SHE: variants seen among roughly 807,000 people sequenced by gnomAD.
SHE encodes the protein Src homology 2 domain containing E, also known as SH2 domain-containing adapter protein E.
SHE carries 11 observed loss-of-function variants against 49.8 expected under a neutral mutation model. That is an observed-to-expected ratio of 0.22 (90% confidence interval 0.14 to 0.37). The LOEUF is 0.37. Ranked by LOEUF, SHE falls within the 10% of genes least tolerant of loss-of-function variation. The probability of loss-of-function intolerance (pLI) is 1.00; values close to 1 mark genes in which losing one functional copy is unlikely to be tolerated. For missense variants in SHE, 624 were observed against 655.5 expected (o/e 0.95, Z 0.52); for synonymous variants, 310 against 278.1 (o/e 1.11, Z -1.14).
Position 154,470,361 on chromosome 1 carries a change from TTC to T in SHE, c.103-1_103del, listed in dbSNP as rs1327694406. 16 of 1,289,096 alleles carry T rather than the reference TTC, an allele frequency of 1.2e-5. No individual in the cohort carries two copies. Among genetic ancestry groups the T allele is most frequent in the Non-Finnish European group, 1.5e-5 (15 of 988,718 alleles). 79.9% of individuals were successfully genotyped at this position (1,289,096 alleles called of 1,614,324 possible). On this transcript the variant is annotated splice_acceptor_variant and coding_sequence_variant, in exon 2 of 2. Transcript: ENST00000486773. LOFTEE classifies it high-confidence loss of function. ...AGAACTTAGGAGAGCAGATGGTGAT[TTC>T]TGTAGAGGATGGCAAGGAATATGCA...
chr1:154,501,274 C>G (rs1360139095), intron 1 of SHE, among the ~76,000 whole-genome samples, 162 bp downstream of exon 1: 1 of 152,182 alleles, frequency 6.6e-6, no homozygotes, highest in African/African-American at 2.4e-5. Flanking sequence ...AAAAAACAGT[C>G]TAAGAATTTT....
chr1:154,474,995 G>C (rs934054433), downstream of SHE, among the ~76,000 whole-genome samples: 1 of 152,164 alleles, frequency 6.6e-6, no homozygotes, highest in Admixed American at 6.5e-5. Flanking sequence ...CAGTATGCCT[G>C]GTCAGCCACA....
chr1:154,487,161 AC>A (rs1334666381), intron 3 of SHE, among the ~76,000 whole-genome samples: 1 of 151,538 alleles, frequency 6.6e-6, no homozygotes, highest in Non-Finnish European at 1.5e-5. Flanking sequence ...AGTCCCAGCT[AC>A]TTGGGAGGCT....
intron 2 of SHE, among the ~76,000 whole-genome samples, chr1:154,495,111 G>T (rs915805512): frequency 6.6e-6 from 1 of 152,184 alleles, no homozygotes; most frequent in Non-Finnish European, 1.5e-5. Context: ...GAGGTAATTT[G>T]GCCAGGCTGG....
chr1:154,489,622 T>C (rs1692303290), intron 2 of SHE, among the ~76,000 whole-genome samples: 1 of 152,226 alleles, frequency 6.6e-6, no homozygotes, highest in Non-Finnish European at 1.5e-5. Context: ...GGAGATTACA[T>C]CTGAAGACAA....
intron 2 of SHE, among the ~76,000 whole-genome samples, chr1:154,498,832 C>G (rs189878271): frequency 6.6e-6 from 1 of 152,192 alleles, no homozygotes; most frequent in African/African-American, 2.4e-5. Context: ...AACTGAACAT[C>G]ATATTCTGAG....
rs1692016726 is a variant in SHE at position 154,481,474 on chromosome 1, A to C, written c.*2675T>G. ...AAGCATAATACTGGGCATATGACAG[A>C]AGCTCAATAAATACTTAATGTATCT... is the stretch of plus-strand genomic sequence containing the variant. On this transcript the variant is annotated 3_prime_UTR_variant, in exon 6 of 6. Transcript: ENST00000304760. 2 of 985,452 alleles carry C rather than the reference A, an allele frequency of 2.0e-6. No homozygotes were observed. The highest frequency in any genetic ancestry group is 2.4e-6 in the Non-Finnish European group (2 of 829,934). 61.0% of individuals were successfully genotyped at this position (985,452 alleles called of 1,614,324 possible).
At chr1:154,500,745 T>G (rs534118574) in intron 1 of SHE, among the ~76,000 whole-genome samples, 7 of 152,316 alleles carry the variant, frequency 4.6e-5, no homozygotes, top group Non-Finnish European at 8.8e-5. Flanking sequence ...CTCCAGTGTG[T>G]CCGTCGCAGG....
intron 1 of SHE, among the ~76,000 whole-genome samples, chr1:154,472,237 A>T (rs1169584610): frequency 6.6e-6 from 1 of 152,234 alleles, no homozygotes; most frequent in Admixed American, 6.5e-5. Flanking sequence ...ACGGCATGGT[A>T]GAGTCTGTTA....
chr1:154,484,386 C>T, intron 5 of SHE, 51 bp from the exon 6 acceptor site: 2 of 1,512,542 alleles, frequency 1.3e-6, no homozygotes, highest in South Asian at 1.2e-5. Context: ...GAGGATCCCT[C>T]CCCACTGAAA....
Position 154,489,254 on chromosome 1 carries a change from G to C in SHE, c.821C>G (p.Ala274Gly), listed in dbSNP as rs1408989301. The C allele has an allele frequency of 1.9e-6, 3 of 1,614,148 alleles. No homozygotes were observed. The highest frequency in any genetic ancestry group is 2.5e-6 in the Non-Finnish European group (3 of 1,180,020). Reference protein sequence around the residue: ...ADGGLKSETLAKRRSSKDLLG... With the variant: ...ADGGLKSETLGKRRSSKDLLG... ...GAGGTCCTTGGAACTCCGTCTTTTG[G>C]CCAAGGTCTCTGATTTCAGGCCACC... The change falls in exon 3 of 6, where the codon GCC (alanine) becomes GGC (glycine). Residue 274 changes from alanine (A) to glycine (G), a missense_variant. By Grantham distance (60) the Ala-to-Gly change is moderately conservative. Transcript: ENST00000304760.
intron 3 of SHE, among the ~76,000 whole-genome samples, chr1:154,488,249 CT>C (rs1692245319): frequency 6.6e-6 from 1 of 151,436 alleles, no homozygotes; most frequent in Admixed American, 6.6e-5. Context: ...CATAGTTATA[CT>C]TTTGTATAAT....
chr1:154,472,130 CAAA>C (rs57013173), intron 1 of SHE, among the ~76,000 whole-genome samples: 10 of 150,520 alleles, frequency 6.6e-5, no homozygotes, highest in South Asian at 2.1e-4. Flanking sequence ...CACTCTGTCT[CAAA>C]AAAAAAAAAA....
chr1:154,488,154 G>A (rs1370651128), intron 3 of SHE, among the ~76,000 whole-genome samples: 1 of 151,876 alleles, frequency 6.6e-6, no homozygotes, highest in African/African-American at 2.4e-5. Flanking sequence ...TGTTGGCCAG[G>A]ATGGTCTCCA....
downstream of SHE, among the ~76,000 whole-genome samples, chr1:154,475,125 G>A (rs1214700298): frequency 6.6e-6 from 1 of 152,200 alleles, no homozygotes; most frequent in Non-Finnish European, 1.5e-5. Context: ...GGAGGGCTGA[G>A]GGCAGGGGCC....
chr1:154,480,192 T>C lies in SHE; in HGVS notation c.*3957A>G, dbSNP rs1322151850. The C allele has an allele frequency of 1.0e-6, 1 of 985,278 alleles. No homozygotes were observed. The highest frequency in any genetic ancestry group is 1.2e-6 in the Non-Finnish European group (1 of 829,930). 61.0% of individuals were successfully genotyped at this position (985,278 alleles called of 1,614,324 possible). A position where few individuals can be genotyped will look rare whatever the true frequency, so the allele number is the denominator to read the frequency against. On this transcript the variant is annotated 3_prime_UTR_variant, in exon 6 of 6. Transcript: ENST00000304760. ...CATAAGGCCAAACTAGTGCTAGTTA[T>C]GGAAAAATAGGAGACAACTAGTGAA...
intron 2 of SHE, among the ~76,000 whole-genome samples, chr1:154,498,394 C>A (rs1160660738): frequency 6.7e-6 from 1 of 149,910 alleles, no homozygotes; most frequent in Admixed American, 6.7e-5. Flanking sequence ...CTGCGCCTGG[C>A]CTTTTTTTTT....
At position 154,480,069 on chromosome 1, in the gene SHE, C is replaced by T. The variant is rs947262227; in HGVS notation, c.*4080G>A. 1.0e-6 allele frequency: 1 copy of T among 985,510 alleles called. No homozygotes were observed. Among genetic ancestry groups the T allele is most frequent in the Non-Finnish European group, 1.2e-6 (1 of 829,942 alleles). The allele number at this position is 985,510 out of a possible 1,614,324, so 61.0% of individuals were successfully genotyped here. A position where few individuals can be genotyped will look rare whatever the true frequency, so the allele number is the denominator to read the frequency against. ...GGTCAGCGGTGGAGGGTAAGTTGAA[C>T]AGAAGGCCCACTGCACAGCAGGCCA... On this transcript the variant is annotated 3_prime_UTR_variant, in exon 6 of 6. Coordinates refer to ENST00000304760, the MANE Select transcript of SHE (RefSeq NM_001010846.3).
chr1:154,481,791 G>C lies in SHE; in HGVS notation c.*2358C>G, dbSNP rs754371565. ...ATCTTACACTAAAGATATAGTAAAT[G>C]AACCAATACACACTGAAAACATTCT... On this transcript the variant is annotated 3_prime_UTR_variant, in exon 6 of 6. Transcript: ENST00000304760. 1.5e-5 allele frequency: 15 copies of C among 972,736 alleles called. No homozygotes were observed. The highest frequency in any genetic ancestry group is 1.8e-5 in the Non-Finnish European group (15 of 818,448). 60.3% of individuals were successfully genotyped at this position (972,736 alleles called of 1,614,324 possible). A position where few individuals can be genotyped will look rare whatever the true frequency, so the allele number is the denominator to read the frequency against.
Sources: allele counts gnomAD v4.1 joint callset (sites outside exome capture counted in the v4.1 genomes callset), GRCh38; gene constraint gnomAD v4.1.1; transcripts MANE v1.5; gene names NCBI Gene and HGNC (gene_info 2026-07-23, HGNC 2026-07-21).